The following PEBP4 variants were observed in gnomAD, a reference collection of about 807,000 sequenced individuals.
The protein encoded by PEBP4 is phosphatidylethanolamine-binding protein 4.
A neutral mutation model predicts 23.9 loss-of-function variants in PEBP4; 22 were observed. The ratio of observed to expected loss-of-function variants is 0.92; its 90% confidence interval spans 0.66 to 1.31. PEBP4 has a LOEUF of 1.31. PEBP4 is among the 40% of genes most tolerant of loss of function. The pLI, the probability that PEBP4 is intolerant of heterozygous loss-of-function variation, is 0.00. For missense variants in PEBP4, 324 were observed against 281.7 expected (o/e 1.15, Z -1.07); for synonymous variants, 112 against 99.3 (o/e 1.13, Z -0.76).
intron 3 of PEBP4, among the ~76,000 whole-genome samples, chr8:22,892,621 C>T (rs1235770337): frequency 6.6e-6 from 1 of 152,154 alleles, no homozygotes; most frequent in African/African-American, 2.4e-5. Flanking sequence ...GCTACAGAGC[C>T]TCATGTTTGG....
In PEBP4 at chr8:22,817,630, T is replaced by C. The variant is rs771446886; in HGVS notation, c.357+7A>G. ...ATGCGTCAGAGAGTGCCTCTTGGCC[T>C]GCTTACCTTGATATCTGTTACCAGC... is the stretch of plus-strand genomic sequence containing the variant. On this transcript the variant is annotated splice_region_variant and intron_variant, in intron 4 of 6. Transcript: ENST00000256404. 31 of 1,612,934 alleles carry C rather than the reference T, an allele frequency of 1.9e-5. No individual in the cohort carries two copies. Among genetic ancestry groups the C allele is most frequent in the Non-Finnish European group, 2.5e-5 (30 of 1,179,010 alleles).
chr8:22,822,425 G>C, intron 3 of PEBP4, among the ~76,000 whole-genome samples: 1 of 151,742 alleles, frequency 6.6e-6, no homozygotes, highest in Non-Finnish European at 1.5e-5. Flanking sequence ...CATAGTATCT[G>C]ACACATCCAA....
chr8:22,906,115 G>A (rs910117830), intron 3 of PEBP4, among the ~76,000 whole-genome samples: 1 of 152,278 alleles, frequency 6.6e-6, no homozygotes, highest in Non-Finnish European at 1.5e-5. Context: ...CTCCAGAGAT[G>A]CAGGTCTTCA....
chr8:22,908,540 C>A (rs562340955), intron 3 of PEBP4, among the ~76,000 whole-genome samples: 1 of 152,128 alleles, frequency 6.6e-6, no homozygotes, highest in African/African-American at 2.4e-5. Flanking sequence ...GAAAAGGAAT[C>A]GCAGAGTGAG....
At chr8:22,792,062 T>C (rs1806151662) in intron 4 of PEBP4, among the ~76,000 whole-genome samples, 2 of 151,510 alleles carry the variant, frequency 1.3e-5, no homozygotes, top group Admixed American at 6.6e-5. Context: ...TCTCACTATG[T>C]TGCCCAGGCT....
chr8:22,878,856 G>A (rs1484458082), intron 3 of PEBP4, among the ~76,000 whole-genome samples: 1 of 152,170 alleles, frequency 6.6e-6, no homozygotes, highest in African/African-American at 2.4e-5. Context: ...AGCCACCACG[G>A]GCAGACCCTG....
chr8:22,746,214 G>C (rs1805113438), intron 4 of PEBP4, among the ~76,000 whole-genome samples: 1 of 152,166 alleles, frequency 6.6e-6, no homozygotes. Context: ...CCCAGGCCCA[G>C]TGGAACAGAG....
chr8:22,920,130 G>C (rs1257178327), intron 3 of PEBP4, 54 bp downstream of exon 3: 1 of 1,579,578 alleles, frequency 6.3e-7, no homozygotes, highest in African/African-American at 1.3e-5. Context: ...AAGCCTGGAG[G>C]AACATCAAGA....
At chr8:22,897,027 A>G (rs577594897) in intron 3 of PEBP4, among the ~76,000 whole-genome samples, 70 of 149,112 alleles carry the variant, frequency 4.7e-4, no homozygotes, top group Middle Eastern at 3.5e-3. Context: ...ATCTGTGTGT[A>G]TGTGTGTGTG....
intron 4 of PEBP4, among the ~76,000 whole-genome samples, chr8:22,814,701 G>A (rs186190780): frequency 2.0e-5 from 3 of 152,344 alleles, no homozygotes; most frequent in Middle Eastern, 3.4e-3. Context: ...TCTGTCTGCA[G>A]AGACTTTATG....
chr8:22,916,006 G>A lies in PEBP4; in HGVS notation c.258+4178C>T, dbSNP rs373407721. ...GAGAAGGTGCTCCCTGGGAGGCTGCGGCTAGAGGCCTGGGCTGGCATGAAA... is the reference window on the plus strand; with the variant it reads ...GAGAAGGTGCTCCCTGGGAGGCTGCAGCTAGAGGCCTGGGCTGGCATGAAA... On this transcript the variant is annotated intron_variant, in intron 3 of 6. Transcript: ENST00000256404. Among the ~76,000 whole-genome samples the A allele has an allele frequency of 2.0e-5, 3 of 152,302 alleles. No homozygotes were observed. In the East Asian group the frequency reaches 5.8e-4, roughly 29 times the overall value.
intron 4 of PEBP4, among the ~76,000 whole-genome samples, chr8:22,740,140 C>CAGAAAGGA (rs1804958958): frequency 6.6e-6 from 1 of 151,954 alleles, no homozygotes; most frequent in Non-Finnish European, 1.5e-5. Flanking sequence ...GCTTTGTGAA[C>CAGAAAGGA]AGAAAGGAAG....
intron 3 of PEBP4, among the ~76,000 whole-genome samples, chr8:22,888,341 A>C (rs893558361): frequency 1.3e-5 from 2 of 152,054 alleles, no homozygotes; most frequent in Non-Finnish European, 2.9e-5. Flanking sequence ...TTTAGTAGAC[A>C]TGGGGTTTCA....
intron 4 of PEBP4, among the ~76,000 whole-genome samples, chr8:22,765,513 A>G (rs373479705): frequency 2.0e-5 from 3 of 152,166 alleles, no homozygotes; most frequent in African/African-American, 7.2e-5. Context: ...CCATGCCTGG[A>G]TGACTGTAAC....
intron 4 of PEBP4, among the ~76,000 whole-genome samples, chr8:22,766,700 G>T (rs368618407): frequency 1.1e-4 from 16 of 152,256 alleles, no homozygotes; most frequent in African/African-American, 3.8e-4. Context: ...GGCGGTTGGG[G>T]GAATGGAATC....
At chr8:22,932,836 C>T (rs370206728), upstream of PEBP4, among the ~76,000 whole-genome samples, 151 of 152,120 alleles carry the variant, frequency 9.9e-4, no homozygotes, top group African/African-American at 3.5e-3. Context: ...GAAACCCCAT[C>T]TCTACTAAAA....
intron 6 of PEBP4, among the ~76,000 whole-genome samples, chr8:22,718,464 C>CT (rs1156250210): frequency 6.6e-6 from 1 of 152,236 alleles, no homozygotes; most frequent in Non-Finnish European, 1.5e-5. Flanking sequence ...CTTGGGATGG[C>CT]TGATGTTCGG....
At chr8:22,778,982 G>T (rs919428048) in intron 4 of PEBP4, among the ~76,000 whole-genome samples, 2 of 151,874 alleles carry the variant, frequency 1.3e-5, no homozygotes, top group African/African-American at 4.8e-5. Flanking sequence ...GTCTGCCTGC[G>T]TGGGGGGCAC....
chr8:22,753,389 C>G (rs1479846097), intron 4 of PEBP4, among the ~76,000 whole-genome samples: 1 of 152,216 alleles, frequency 6.6e-6, no homozygotes, highest in Non-Finnish European at 1.5e-5. Flanking sequence ...TGAACTTTGA[C>G]AAGGAGACAA....
Sources: allele counts gnomAD v4.1 joint callset (sites outside exome capture counted in the v4.1 genomes callset), GRCh38; gene constraint gnomAD v4.1.1; transcripts MANE v1.5; gene names NCBI Gene and HGNC (gene_info 2026-07-23, HGNC 2026-07-21).